The following ROBO2 variants were observed in gnomAD, a reference collection of about 807,000 sequenced individuals.
ROBO2 encodes the protein roundabout homolog 2.
ROBO2 carries 53 observed loss-of-function variants against 160.8 expected under a neutral mutation model. That is an observed-to-expected ratio of 0.33 (90% CI 0.26 to 0.41). The LOEUF (loss-of-function observed/expected upper bound fraction) is 0.41. ROBO2 is among the 10% of genes least tolerant of loss of function. ROBO2 has a pLI of 1.00. For missense variants in ROBO2, 1,577 were observed against 1,722.4 expected (o/e 0.92, Z 1.49); for synonymous variants, 664 against 611.7 (o/e 1.09, Z -1.26).
chr3:76,676,132 T>A (rs552710664), intron 2 of ROBO2, among the ~76,000 whole-genome samples: 1 of 152,242 alleles, frequency 6.6e-6, no homozygotes, highest in South Asian at 2.1e-4. Flanking sequence ...GGTTTGGCCA[T>A]GTCCCCACCC....
chr3:77,016,943 A>T (rs761483376), intron 2 of ROBO2, among the ~76,000 whole-genome samples: 2 of 152,172 alleles, frequency 1.3e-5, no homozygotes, highest in Non-Finnish European at 2.9e-5. Flanking sequence ...CATATATTAT[A>T]ATAATATTTA....
intron 2 of ROBO2, among the ~76,000 whole-genome samples, chr3:75,973,202 G>A (rs1230546233): frequency 6.6e-6 from 1 of 151,472 alleles, no homozygotes; most frequent in Non-Finnish European, 1.5e-5. Context: ...CGTATTAGAA[G>A]GACTATAAGA....
At chr3:77,275,365 T>C (rs1403538399) in intron 2 of ROBO2, among the ~76,000 whole-genome samples, 1 of 152,184 alleles carries the variant, frequency 6.6e-6, no homozygotes. Flanking sequence ...AATAGAACTT[T>C]AGCATCTTAT....
intron 2 of ROBO2, among the ~76,000 whole-genome samples, chr3:76,582,820 A>G (rs1389531156): frequency 6.6e-6 from 1 of 152,166 alleles, no homozygotes; most frequent in Non-Finnish European, 1.5e-5. Flanking sequence ...CACTTCAGAT[A>G]ACACAAATGT....
intron 2 of ROBO2, among the ~76,000 whole-genome samples, chr3:76,832,355 A>G (rs777690915): frequency 2.6e-5 from 4 of 152,226 alleles, no homozygotes; most frequent in East Asian, 1.9e-4. Flanking sequence ...CACACTTATT[A>G]ATGGCAAAGA....
chr3:76,517,979 T>C (rs1022309725), intron 2 of ROBO2, among the ~76,000 whole-genome samples: 1 of 152,060 alleles, frequency 6.6e-6, no homozygotes, highest in Admixed American at 6.5e-5. Context: ...ATTCCTTTTT[T>C]TATATTAAAA....
intron 2 of ROBO2, among the ~76,000 whole-genome samples, chr3:77,293,320 G>T (rs1164892107): frequency 6.8e-6 from 1 of 147,022 alleles, no homozygotes; most frequent in Non-Finnish European, 1.5e-5. Context: ...TAAACGGGAA[G>T]TTGAGGCTAG....
chr3:77,139,829 G>A (rs535017228), intron 2 of ROBO2, among the ~76,000 whole-genome samples: 5 of 152,120 alleles, frequency 3.3e-5, no homozygotes, highest in Non-Finnish European at 7.3e-5. Context: ...CCCTCATTTT[G>A]ATAATTATGG....
intron 2 of ROBO2, among the ~76,000 whole-genome samples, chr3:76,610,423 G>A (rs73114447): frequency 0.012 from 1,816 of 152,272 alleles, 18 homozygotes; most frequent in Non-Finnish European, 0.018. Flanking sequence ...GGCGTGGGGT[G>A]AGCAGCTTCC....
At chr3:77,162,978 C>G (rs780593854) in intron 2 of ROBO2, among the ~76,000 whole-genome samples, 2 of 149,118 alleles carry the variant, frequency 1.3e-5, no homozygotes, top group African/African-American at 5.0e-5. Flanking sequence ...CACAAGCATG[C>G]GCCACCATGC....
intron 2 of ROBO2, among the ~76,000 whole-genome samples, chr3:77,005,714 G>A (rs534373509): frequency 6.6e-6 from 1 of 152,148 alleles, no homozygotes; most frequent in Non-Finnish European, 1.5e-5. Flanking sequence ...CATGGTAGTG[G>A]ATTATTTATG....
At chr3:77,516,322 A>G (rs538419610) in intron 5 of ROBO2, among the ~76,000 whole-genome samples, 1 of 151,742 alleles carries the variant, frequency 6.6e-6, no homozygotes, top group African/African-American at 2.4e-5. Context: ...ATAGCTTCCC[A>G]CTTTACCTAC....
At chr3:77,264,001 A>G (rs2058953483) in intron 2 of ROBO2, among the ~76,000 whole-genome samples, 2 of 152,176 alleles carry the variant, frequency 1.3e-5, no homozygotes, top group Admixed American at 1.3e-4. Context: ...GCGAAACTCA[A>G]TAAAGGTTAG....
intron 2 of ROBO2, chr3:76,434,072 G>C (rs772899971): frequency 4.6e-6 from 6 of 1,318,464 alleles, no homozygotes; most frequent in East Asian, 2.3e-5. Context: ...GGGCCTCCTG[G>C]AGGCAGTATC....
At chr3:75,940,940 C>A (rs79633793) in intron 2 of ROBO2, among the ~76,000 whole-genome samples, 1 of 152,028 alleles carries the variant, frequency 6.6e-6, no homozygotes, top group Admixed American at 6.6e-5. Flanking sequence ...GAACCAAGAA[C>A]TTATTTCTAA....
intron 2 of ROBO2, among the ~76,000 whole-genome samples, chr3:77,197,102 A>T (rs545742861): frequency 3.3e-5 from 5 of 152,292 alleles, no homozygotes; most frequent in South Asian, 2.1e-4. Flanking sequence ...TATTTTATGG[A>T]ATCATGAAAA....
At chr3:77,093,447 A>G (rs751062738) in intron 1 of ROBO2, among the ~76,000 whole-genome samples, 4 of 152,170 alleles carry the variant, frequency 2.6e-5, no homozygotes, top group Admixed American at 6.5e-5. Flanking sequence ...AGCCAATAAC[A>G]TAGAATACCC....
intron 2 of ROBO2, among the ~76,000 whole-genome samples, chr3:76,445,474 G>T (rs761991794): frequency 6.6e-6 from 1 of 152,080 alleles, no homozygotes; most frequent in Non-Finnish European, 1.5e-5. Flanking sequence ...CGTGGAGCTG[G>T]TACCATTCCT....
intron 2 of ROBO2, among the ~76,000 whole-genome samples, chr3:76,921,262 T>C (rs2076641306): frequency 6.6e-6 from 1 of 152,222 alleles, no homozygotes; most frequent in Admixed American, 6.5e-5. Context: ...TTGTGAATTT[T>C]CTTTAATTAT....
Sources: gnomAD v4.1 joint callset for allele counts (sites outside exome capture counted in the v4.1 genomes callset) on GRCh38, gnomAD v4.1.1 for gene constraint, MANE v1.5 for transcripts, NCBI Gene and HGNC (gene_info 2026-07-23, HGNC 2026-07-21) for gene names.